The following DCP1B variants were observed in gnomAD, a reference collection of about 807,000 sequenced individuals.
DCP1B encodes the protein mRNA-decapping enzyme 1B.
DCP1B carries 47 observed loss-of-function variants against 60.5 expected under a neutral mutation model. The observed-to-expected ratio is 0.78, with a 90% confidence interval of 0.61 to 0.99. The LOEUF is 0.99. Among genes scored for constraint, DCP1B ranks in the 50% least tolerant of loss-of-function variants. The probability of loss-of-function intolerance (pLI) is 0.00; values close to 1 mark genes in which losing one functional copy is unlikely to be tolerated. For synonymous variants in DCP1B, 267 were observed against 280.3 expected, an observed-to-expected ratio of 0.95 and a Z score of 0.47; for missense variants, 725 against 756.8, an observed-to-expected ratio of 0.96 and a Z score of 0.49.
intron 7 of DCP1B, chr12:1,950,423 T>C (rs746286040): frequency 4.3e-5 from 30 of 702,154 alleles, no homozygotes; most frequent in African/African-American, 1.2e-4. Flanking sequence ...AGTCAGACTA[T>C]ATTCATCGCA....
At chr12:1,993,175 A>G in intron 3 of DCP1B, 89 bp downstream of exon 3, 2 of 1,581,266 alleles carry the variant, frequency 1.3e-6, no homozygotes, top group Non-Finnish European at 1.7e-6. Flanking sequence ...CTGATACCAA[A>G]TGCAAACACA....
chr12:1,945,452 C>G (rs1408114353), downstream of DCP1B, among the ~76,000 whole-genome samples: 1 of 152,166 alleles, frequency 6.6e-6, no homozygotes, highest in Non-Finnish European at 1.5e-5. Flanking sequence ...GATTATAACT[C>G]TAATTATTAC....
chr12:1,985,565 T>C (rs559393787), intron 3 of DCP1B, among the ~76,000 whole-genome samples: 3 of 152,356 alleles, frequency 2.0e-5, no homozygotes, highest in African/African-American at 7.2e-5. Context: ...TATCTTATAA[T>C]TCTAACATCC....
chr12:1,976,748 T>C (rs2034487021), intron 3 of DCP1B, among the ~76,000 whole-genome samples: 3 of 151,374 alleles, frequency 2.0e-5, no homozygotes, highest in South Asian at 2.1e-4. Flanking sequence ...ATGTCATGTA[T>C]ATATGCAAAT....
At chr12:1,973,027 T>C (rs1565786942) in intron 3 of DCP1B, among the ~76,000 whole-genome samples, 1 of 152,236 alleles carries the variant, frequency 6.6e-6, no homozygotes, top group Non-Finnish European at 1.5e-5. Flanking sequence ...CCATTTGGAA[T>C]GTTTGCACTC....
At chr12:2,001,989 G>C (rs1209719471) in intron 1 of DCP1B, among the ~76,000 whole-genome samples, 1 of 152,198 alleles carries the variant, frequency 6.6e-6, no homozygotes, top group African/African-American at 2.4e-5. Flanking sequence ...TTGACACATA[G>C]GTATTAATAT....
chr12:1,993,077 C>G (rs776920315), intron 3 of DCP1B, 187 bp downstream of exon 3: 2 of 807,066 alleles, frequency 2.5e-6, no homozygotes, highest in East Asian at 2.4e-5. Flanking sequence ...TTCACTTAAA[C>G]TCTTCCAAGG....
chr12:2,004,203 G>A (rs1262662551), intron 1 of DCP1B, 79 bp downstream of exon 1: 7 of 1,575,058 alleles, frequency 4.4e-6, no homozygotes, highest in Non-Finnish European at 6.0e-6. Context: ...CCCCTCACCG[G>A]GTCCTCAAGT....
At position 1,949,400 on chromosome 12, in the gene DCP1B, C is replaced by T. The variant is rs561176619; in HGVS notation, c.1525-66G>A. The T allele has an allele frequency of 9.1e-5, 144 of 1,585,102 alleles. No homozygotes were observed. In the South Asian group the frequency reaches 1.4e-3, roughly 15 times the overall value. On this transcript the variant is annotated intron_variant, in intron 7 of 8. Coordinates refer to ENST00000280665, the MANE Select transcript of DCP1B (RefSeq NM_152640.5). ...CAGCTCACGGCATGATAGCTTGCAG[C>T]GGCAGATACGGGTGGTCTAAGCATT... is the stretch of plus-strand genomic sequence containing the variant.
chr12:1,995,592 T>C (rs964738333), intron 2 of DCP1B, among the ~76,000 whole-genome samples: 3 of 152,194 alleles, frequency 2.0e-5, no homozygotes, highest in Admixed American at 6.5e-5. Context: ...CCACCTCCCA[T>C]TGTTGCCTCC....
intron 3 of DCP1B, among the ~76,000 whole-genome samples, chr12:1,987,915 T>C (rs773272527): frequency 9.2e-5 from 14 of 152,330 alleles, no homozygotes; most frequent in South Asian, 4.1e-4. Context: ...CCTCATATCA[T>C]CACCAAACTC....
At chr12:1,945,535 C>G (rs2030388370), downstream of DCP1B, among the ~76,000 whole-genome samples, 1 of 152,210 alleles carries the variant, frequency 6.6e-6, no homozygotes, top group Non-Finnish European at 1.5e-5. Context: ...GATTGTAACT[C>G]TACTATAATC....
chr12:1,945,598 C>T (rs1396519433), downstream of DCP1B, among the ~76,000 whole-genome samples: 1 of 152,196 alleles, frequency 6.6e-6, no homozygotes, highest in East Asian at 1.9e-4. Flanking sequence ...TTTATTGCAG[C>T]ACTATTCACA....
rs918354465 is a variant in DCP1B at position 1,962,267 on chromosome 12, G to T, written c.522+3291C>A. 6.6e-6 allele frequency among the ~76,000 whole-genome samples: 1 copy of T among 152,170 alleles called. No individual in the cohort carries two copies. The highest frequency in any genetic ancestry group is 1.9e-4 in the East Asian group (1 of 5,192). On this transcript the variant is annotated intron_variant, in intron 5 of 8. Transcript: ENST00000280665. The surrounding 1 kb of genome is among the most constrained non-coding windows in gnomAD (Gnocchi z 4.4). ...AGACGAGGAGATACGTATGGCTCAG[G>T]ATTGGTTAGTGTGCATATTAAAGGC...
chr12:1,973,675 T>C (rs1430579068), intron 3 of DCP1B, among the ~76,000 whole-genome samples: 1 of 152,208 alleles, frequency 6.6e-6, no homozygotes. Context: ...CGTATACTAA[T>C]TTCCTAGTTT....
chr12:1,996,244 T>C (rs1194480460), intron 2 of DCP1B, among the ~76,000 whole-genome samples: 1 of 152,210 alleles, frequency 6.6e-6, no homozygotes, highest in Non-Finnish European at 1.5e-5. Context: ...ATTACTCTCC[T>C]GTTCATAAGC....
At chr12:1,946,947 T>C (rs2154456244) in intron 8 of DCP1B, among the ~76,000 whole-genome samples, 1 of 152,272 alleles carries the variant, frequency 6.6e-6, no homozygotes, top group East Asian at 1.9e-4. Flanking sequence ...CCTCCCACTT[T>C]GGCCTCCCCA....
intron 7 of DCP1B, among the ~76,000 whole-genome samples, chr12:1,951,233 C>T (rs2030656379): frequency 6.6e-6 from 1 of 152,152 alleles, no homozygotes; most frequent in Non-Finnish European, 1.5e-5. Context: ...CGAGATCGCA[C>T]CATTGTACTC....
downstream of DCP1B, among the ~76,000 whole-genome samples, chr12:1,945,508 T>G (rs1044211107): frequency 6.6e-6 from 1 of 152,242 alleles, no homozygotes; most frequent in East Asian, 1.9e-4. Flanking sequence ...TACTTATTAC[T>G]GGGTATATAC....
Sources: gnomAD v4.1 joint callset for allele counts (sites outside exome capture counted in the v4.1 genomes callset) on GRCh38, gnomAD v4.1.1 for gene constraint, Gnocchi (gnomAD v3.1) non-coding constraint, MANE v1.5 for transcripts, NCBI Gene and HGNC (gene_info 2026-07-23, HGNC 2026-07-21) for gene names.